PECAM1: variants seen among roughly 807,000 people sequenced by gnomAD.
PECAM1 encodes platelet and endothelial cell adhesion molecule 1.
PECAM1 carries 8 observed loss-of-function variants against 13.8 expected under a neutral mutation model. The ratio of observed to expected loss-of-function variants is 0.58; its 90% CI spans 0.34 to 1.05. PECAM1 has a LOEUF of 1.05. PECAM1 is among the 50% of genes least tolerant of loss of function. The pLI, the probability that PECAM1 is intolerant of heterozygous loss-of-function variation, is 0.03. For synonymous variants in PECAM1, 136 were observed against 52.6 expected (o/e 2.58, Z -6.86); for missense variants, 304 against 141.2 (o/e 2.15, Z -5.84).
intron 4 of PECAM1, among the ~76,000 whole-genome samples, chr17:64,371,360 A>G (rs1243272240): frequency 6.6e-6 from 1 of 152,174 alleles, no homozygotes; most frequent in Non-Finnish European, 1.5e-5. Context: ...AATATCACTG[A>G]CAAATAGCTA....
intron 15 of PECAM1, among the ~76,000 whole-genome samples, chr17:64,325,406 A>G (rs1366730849): frequency 6.6e-6 from 1 of 151,878 alleles, no homozygotes; most frequent in Middle Eastern, 3.2e-3. Flanking sequence ...AGAAAATGGT[A>G]AATTTAATAT....
At chr17:64,381,926 C>T (rs2036490116) in intron 2 of PECAM1, among the ~76,000 whole-genome samples, 1 of 152,006 alleles carries the variant, frequency 6.6e-6, no homozygotes, top group South Asian at 2.1e-4. Flanking sequence ...CATGGTGAAA[C>T]CTCATCTCTA....
intron 15 of PECAM1, among the ~76,000 whole-genome samples, chr17:64,327,268 C>CCAGCTTTTATATGGTGGTTTGCAGCTTG (rs2034983159): frequency 6.6e-6 from 1 of 152,236 alleles, no homozygotes; most frequent in African/African-American, 2.4e-5. Flanking sequence ...TTGAGATCAA[C>CCAGCTTTTATATGGTGGTTTGCAGCTTG]CAGCTTTTAT....
chr17:64,324,569 T>G (rs4968619), intron 15 of PECAM1, among the ~76,000 whole-genome samples: 13,870 of 152,284 alleles, frequency 0.091, 1,031 homozygotes, highest in African/African-American at 0.21. Context: ...AGATCTGACT[T>G]CTAGCTCCAG....
chr17:64,331,199 CTT>C (rs10708569), intron 14 of PECAM1, among the ~76,000 whole-genome samples: 210 of 142,374 alleles, frequency 1.5e-3, no homozygotes, highest in African/African-American at 2.6e-3. Context: ...ACACCACCTT[CTT>C]TTTTTTTTTT....
At chr17:64,387,568 G>C (rs1263825938) in intron 2 of PECAM1, among the ~76,000 whole-genome samples, 1 of 152,148 alleles carries the variant, frequency 6.6e-6, no homozygotes, top group Non-Finnish European at 1.5e-5. Context: ...CGTAGGCGTG[G>C]GGTCCTGGGG....
intron 5 of PECAM1, among the ~76,000 whole-genome samples, chr17:64,366,374 TG>T (rs2036105542): frequency 6.6e-6 from 1 of 150,900 alleles, no homozygotes; most frequent in African/African-American, 2.4e-5. Context: ...ACACTGTTGG[TG>T]GGACTGTAAA....
intron 5 of PECAM1, among the ~76,000 whole-genome samples, chr17:64,366,679 A>G (rs1179277157): frequency 0.015 from 2,345 of 152,050 alleles, 59 homozygotes; most frequent in African/African-American, 0.053. Context: ...TTGTAGGGAC[A>G]TGGATGAAAT....
chr17:64,369,405 T>C (rs900984969), intron 5 of PECAM1, among the ~76,000 whole-genome samples: 1 of 152,194 alleles, frequency 6.6e-6, no homozygotes, highest in Non-Finnish European at 1.5e-5. Context: ...TCTCAGCTCA[T>C]GCTTACAGTA....
At position 64,345,674 on chromosome 17, in the gene PECAM1, T is replaced by C. The variant is rs1038291411; in HGVS notation, c.2107+2586A>G. Among the ~76,000 whole-genome samples, 44 of 147,582 alleles carry C rather than the reference T, an allele frequency of 3.0e-4. 1 individual carries two copies. In the East Asian group the frequency reaches 4.8e-3, roughly 16 times the overall value. ...GAAGCAGTGTGCCGAAACTGTGCCA[T>C]TGCATTCCAGCCTGGGCAACAAGAG... On this transcript the variant is annotated intron_variant, in intron 13 of 15. Transcript: ENST00000563924.
In PECAM1 at chr17:64,321,701, C is replaced by T. The variant is rs983350001; in HGVS notation, c.*2115G>A. 2.2e-5 allele frequency: 19 copies of T among 880,868 alleles called. No individual in the cohort carries two copies. The highest frequency in any genetic ancestry group is 1.9e-4 in the African/African-American group (11 of 56,596). 54.6% of individuals were successfully genotyped at this position (880,868 alleles called of 1,614,324 possible). ...GCTTGAGCCCAGGGGTTCGAGGCTG[C>T]GGTGAGCCATTGTTGTGCCACTGCA... is the stretch of plus-strand genomic sequence containing the variant. On this transcript the variant is annotated 3_prime_UTR_variant, in exon 16 of 16. Coordinates refer to ENST00000563924, the MANE Select transcript of PECAM1 (RefSeq NM_000442.5).
intron 14 of PECAM1, among the ~76,000 whole-genome samples, chr17:64,331,199 CTTT>C (rs10708569): frequency 7.7e-5 from 11 of 142,384 alleles, no homozygotes; most frequent in Non-Finnish European, 6.1e-5. Flanking sequence ...ACACCACCTT[CTTT>C]TTTTTTTTTT....
At chr17:64,335,434 T>A (rs1479375168) in intron 14 of PECAM1, among the ~76,000 whole-genome samples, 7 of 150,884 alleles carry the variant, frequency 4.6e-5, no homozygotes, top group East Asian at 3.9e-4. Flanking sequence ...AGTTCTCCAA[T>A]TATGCCGATA....
chr17:64,387,268 A>G (rs977153361), intron 2 of PECAM1, among the ~76,000 whole-genome samples: 8 of 152,272 alleles, frequency 5.3e-5, no homozygotes, highest in Non-Finnish European at 1.0e-4. Context: ...CAGCAAGAGG[A>G]GACCCAACAG....
intron 14 of PECAM1, among the ~76,000 whole-genome samples, chr17:64,336,895 G>T (rs373117945): frequency 2.4e-5 from 2 of 83,930 alleles, no homozygotes; most frequent in African/African-American, 7.0e-5. Flanking sequence ...AAGGAAGGAA[G>T]GAGAGAGAGA....
intron 5 of PECAM1, 70 bp downstream of exon 5, chr17:64,369,680 T>G: frequency 2.5e-6 from 1 of 398,312 alleles, no homozygotes; most frequent in Non-Finnish European, 4.4e-6. Context: ...TCTTTGGCCA[T>G]GCTGGATTGC....
rs2035943382 is a variant in PECAM1, at chr17:64,360,309, A to C, written c.1323T>G (p.Ser441=). The change falls in exon 7 of 16, where the codon TCT becomes TCG. Residue 441 remains serine, a synonymous_variant. Coordinates refer to ENST00000563924, the MANE Select transcript of PECAM1 (RefSeq NM_000442.5). ...CESISGTLPI[S]YQLLKTSKVL... ...CTTTACTTGTTTTTAAAAGTTGGTA[A>C]GAAATAGGCAAAGTTCCACTGATCG... 2 of 475,264 alleles carry C rather than the reference A, an allele frequency of 4.2e-6. No individual in the cohort carries two copies. Among genetic ancestry groups the C allele is most frequent in the Admixed American group, 3.2e-5 (1 of 31,734 alleles). The allele number at this position is 475,264 out of a possible 1,614,324, so 29.4% of individuals were successfully genotyped here.
chr17:64,346,625 C>G (rs1007840682), intron 13 of PECAM1, among the ~76,000 whole-genome samples: 1 of 152,156 alleles, frequency 6.6e-6, no homozygotes, highest in African/African-American at 2.4e-5. Flanking sequence ...TGTGAGCCAC[C>G]GTGCCTGGCC....
chr17:64,353,574 A>G, intron 9 of PECAM1, 56 bp from the exon 10 acceptor site: 2 of 453,494 alleles, frequency 4.4e-6, no homozygotes, highest in Non-Finnish European at 8.1e-6. Context: ...CATCCATACC[A>G]CTATAATGGC....
Sources: allele counts gnomAD v4.1 joint callset (sites outside exome capture counted in the v4.1 genomes callset), GRCh38; gene constraint gnomAD v4.1.1; transcripts MANE v1.5; gene names NCBI Gene and HGNC (gene_info 2026-07-23, HGNC 2026-07-21).